Variants in ATP8A2 observed in about 807,000 individuals in gnomAD.
The protein encoded by ATP8A2 is ATPase phospholipid transporting 8A2.
In ATP8A2, 100 loss-of-function variants were observed where a neutral mutation model predicts 165.6. The ratio of observed to expected loss-of-function variants is 0.60; its 90% CI spans 0.51 to 0.71. The LOEUF (loss-of-function observed/expected upper bound fraction) is 0.71. Ranked by LOEUF, ATP8A2 falls within the 30% of genes least tolerant of loss-of-function variation. The pLI, the probability that ATP8A2 is intolerant of heterozygous loss-of-function variation, is 0.00. For missense variants in ATP8A2, 1,227 were observed against 1,479.5 expected (o/e 0.83, Z 2.80); for synonymous variants, 543 against 548.8 (o/e 0.99, Z 0.15).
intron 26 of ATP8A2, among the ~76,000 whole-genome samples, chr13:25,771,964 GA>G (rs1242638207): frequency 1.3e-5 from 2 of 152,128 alleles, no homozygotes; most frequent in East Asian, 3.9e-4. Flanking sequence ...CGCTTCGGAG[GA>G]AGTACCCTCA....
At chr13:25,773,389 C>T (rs998353716) in intron 26 of ATP8A2, among the ~76,000 whole-genome samples, 1 of 152,188 alleles carries the variant, frequency 6.6e-6, no homozygotes, top group African/African-American at 2.4e-5. Context: ...TCCCTCCCTC[C>T]AGCGCAAGGT....
Position 25,953,521 on chromosome 13 carries a change from TTAAAAAAAAAA to T in ATP8A2, c.3184-8053_3184-8043del, listed in dbSNP as rs1955430207. On this transcript the variant is annotated intron_variant, in intron 33 of 36. Coordinates refer to ENST00000381655, the MANE Select transcript of ATP8A2 (RefSeq NM_016529.6). The surrounding 1 kb of genome is among the most constrained non-coding windows in gnomAD (Gnocchi z 6.7). ...TGTAGCCCTGGTTACTCCAGCCTTT[TTAAAAAAAAAA>T]AAAAAAAAAAAAAAGCAAGGGAAAT... Among the ~76,000 whole-genome samples, 4 of 103,012 alleles carry T rather than the reference TTAAAAAAAAAA, an allele frequency of 3.9e-5. No individual in the cohort carries two copies. In the South Asian group the frequency reaches 1.4e-3, roughly 36 times the overall value. The allele number at this position is 103,012 out of a possible 152,430, so 67.6% of individuals were successfully genotyped here. A position where few individuals can be genotyped will look rare whatever the true frequency, so the allele number is the denominator to read the frequency against.
intron 1 of ATP8A2, chr13:25,468,767 C>A (rs1046691312): frequency 1.4e-5 from 13 of 909,010 alleles, no homozygotes; most frequent in African/African-American, 7.2e-5. Context: ...GGGGCGTGGG[C>A]GTGGGCGGGG....
Position 25,465,721 on chromosome 13 carries a change from T to C in ATP8A2, c.77-3256T>C, listed in dbSNP as rs2035635186. ...TTTCTTTCTTTCTTTCTTTCTTTCTTTCTTTCTTTCTTTCTTTCCCTCCCT... is the reference window on the plus strand; with the variant it reads ...TTTCTTTCTTTCTTTCTTTCTTTCTCTCTTTCTTTCTTTCTTTCCCTCCCT... On this transcript the variant is annotated intron_variant, in intron 1 of 36. Coordinates refer to ENST00000381655, the MANE Select transcript of ATP8A2 (RefSeq NM_016529.6). Among the ~76,000 whole-genome samples, 20 of 45,180 alleles carry C rather than the reference T, an allele frequency of 4.4e-4. 1 individual carries two copies. The highest frequency in any genetic ancestry group is 1.4e-3 in the African/African-American group (13 of 9,186). 29.6% of individuals were successfully genotyped at this position (45,180 alleles called of 152,430 possible).
intron 27 of ATP8A2, among the ~76,000 whole-genome samples, chr13:25,781,673 G>A (rs1230232205): frequency 6.6e-6 from 1 of 151,920 alleles, no homozygotes; most frequent in African/African-American, 2.4e-5. Flanking sequence ...TGTATTTTTA[G>A]TAGAGACAAG....
At chr13:25,422,831 C>A (rs778496988) in intron 1 of ATP8A2, among the ~76,000 whole-genome samples, 3 of 152,184 alleles carry the variant, frequency 2.0e-5, no homozygotes, top group Non-Finnish European at 4.4e-5. Flanking sequence ...AGAGTGCTAC[C>A]TGTCTGAGGT....
At chr13:25,579,996 C>G in intron 22 of ATP8A2, 49 bp downstream of exon 22, 1 of 1,598,790 alleles carries the variant, frequency 6.3e-7, no homozygotes, top group Non-Finnish European at 8.6e-7. Context: ...GACTTAACCA[C>G]CTATTTCACA....
At chr13:25,775,073 C>A in intron 27 of ATP8A2, 114 bp downstream of exon 27, 1 of 625,996 alleles carries the variant, frequency 1.6e-6, no homozygotes. Flanking sequence ...AAAGATGCTG[C>A]TGTGACTTTC....
intron 1 of ATP8A2, among the ~76,000 whole-genome samples, chr13:25,451,548 G>A (rs2035224562): frequency 6.6e-6 from 1 of 152,056 alleles, no homozygotes; most frequent in Non-Finnish European, 1.5e-5. Context: ...AATCCAATTA[G>A]TATTTACTTT....
At chr13:25,769,283 C>A in intron 26 of ATP8A2, 54 bp downstream of exon 26, 2 of 1,544,614 alleles carry the variant, frequency 1.3e-6, no homozygotes, top group South Asian at 1.2e-5. Context: ...GATAGCTGGG[C>A]ATGAGGACCT....
chr13:25,759,775 A>G (rs1024455852), intron 25 of ATP8A2, among the ~76,000 whole-genome samples: 1 of 152,110 alleles, frequency 6.6e-6, no homozygotes, highest in African/African-American at 2.4e-5. Context: ...TAACCGGTTG[A>G]TTTCAGTGAC....
chr13:25,622,457 A>G (rs1463979014), intron 24 of ATP8A2, among the ~76,000 whole-genome samples: 1 of 152,186 alleles, frequency 6.6e-6, no homozygotes, highest in Non-Finnish European at 1.5e-5. Context: ...AACCTAGAAA[A>G]GTAATGAATC....
chr13:25,936,440 G>A (rs75355387), intron 33 of ATP8A2, among the ~76,000 whole-genome samples: 1 of 152,336 alleles, frequency 6.6e-6, no homozygotes, highest in Admixed American at 6.5e-5. Context: ...GATTAAATAA[G>A]CCTCAATGGG....
At chr13:25,999,321 C>G (rs1426675211) in intron 35 of ATP8A2, among the ~76,000 whole-genome samples, 3 of 152,128 alleles carry the variant, frequency 2.0e-5, no homozygotes, top group African/African-American at 7.2e-5. Context: ...CCATGGGTTT[C>G]TACAAGCTGA....
chr13:25,988,201 C>G (rs1410083427), intron 35 of ATP8A2, among the ~76,000 whole-genome samples: 2 of 152,228 alleles, frequency 1.3e-5, no homozygotes, highest in Non-Finnish European at 2.9e-5. Context: ...AGCATGCATG[C>G]CAGCCTCAGC....
chr13:26,002,749 T>C (rs115230035), intron 35 of ATP8A2, among the ~76,000 whole-genome samples: 2,154 of 152,132 alleles, frequency 0.014, 57 homozygotes, highest in African/African-American at 0.049. Context: ...GCACTTGTCT[T>C]ACTGTGCCCG....
At chr13:25,690,484 G>A (rs61947316) in intron 24 of ATP8A2, among the ~76,000 whole-genome samples, 1,981 of 152,180 alleles carry the variant, frequency 0.013, 20 homozygotes, top group Non-Finnish European at 0.02. Flanking sequence ...CACACACAGT[G>A]TGTCCCTGGT....
At chr13:25,412,107 G>C (rs944420611) in intron 1 of ATP8A2, among the ~76,000 whole-genome samples, 2 of 152,154 alleles carry the variant, frequency 1.3e-5, no homozygotes, top group Non-Finnish European at 2.9e-5. Flanking sequence ...CTTTGGCCGG[G>C]GGTGGTGGGT....
chr13:25,652,210 T>A (rs2041829509), intron 24 of ATP8A2, among the ~76,000 whole-genome samples: 1 of 152,214 alleles, frequency 6.6e-6, no homozygotes, highest in Non-Finnish European at 1.5e-5. Flanking sequence ...TCATAGACAG[T>A]TCTTGATGCA....
Sources: allele counts gnomAD v4.1 joint callset (sites outside exome capture counted in the v4.1 genomes callset), GRCh38; gene constraint gnomAD v4.1.1; non-coding constraint Gnocchi (gnomAD v3.1); transcripts MANE v1.5; gene names NCBI Gene and HGNC (gene_info 2026-07-23, HGNC 2026-07-21).